INPP5D: variants seen among roughly 807,000 people sequenced by gnomAD.
The protein encoded by INPP5D is phosphatidylinositol 3,4,5-trisphosphate 5-phosphatase 1.
In INPP5D, 33 loss-of-function variants were observed where a neutral mutation model predicts 122.9. The observed-to-expected ratio is 0.27, with a 90% CI of 0.20 to 0.36. The LOEUF (loss-of-function observed/expected upper bound fraction) is 0.36, where lower values mean the gene tolerates loss of function less well. Ranked by LOEUF, INPP5D falls within the 10% of genes least tolerant of loss-of-function variation. The pLI, the probability that INPP5D is intolerant of heterozygous loss-of-function variation, is 1.00. For missense variants in INPP5D, 1,053 were observed against 1,412.7 expected (o/e 0.75, Z 4.08); for synonymous variants, 584 against 576.2 (o/e 1.01, Z -0.19).
intron 9 of INPP5D, among the ~76,000 whole-genome samples, chr2:233,148,120 A>T (rs1254239594): frequency 6.6e-6 from 1 of 152,250 alleles, no homozygotes; most frequent in Non-Finnish European, 1.5e-5. Flanking sequence ...CTCATCCATA[A>T]AATGGAAGCT....
At chr2:233,181,712 C>T (rs546465037) in intron 18 of INPP5D, among the ~76,000 whole-genome samples, 1 of 152,296 alleles carries the variant, frequency 6.6e-6, no homozygotes, top group East Asian at 1.9e-4. Context: ...TATGAGGCAT[C>T]GTGGGATGGA....
Position 233,198,348 on chromosome 2 carries a change from G to T in INPP5D, c.2947G>T (p.Gly983Cys), listed in dbSNP as rs1402943853. 6.2e-7 allele frequency: 1 copy of T among 1,613,268 alleles called. No individual in the cohort carries two copies. Among genetic ancestry groups the T allele is most frequent in the Non-Finnish European group, 8.5e-7 (1 of 1,179,616 alleles). The change falls in exon 25 of 27, where the codon GGT (glycine) becomes TGT (cysteine). Residue 983 changes from glycine (G) to cysteine (C), a missense_variant. By Grantham distance (159) the Gly-to-Cys change is radical (BLOSUM62 -3). This residue lies in a region of INPP5D where 417 missense variants were observed against 425.8 expected (regional missense o/e 0.98). Transcript: ENST00000445964. ...GTTTTTACCCTCAACAGCAAACCGG[G>T]GTCTCCCTCCCAGGACACAGGAGTC... ...KKFLPSTANR[G>C]LPPRTQESRP...
At chr2:233,144,273 T>G (rs1393936484) in intron 6 of INPP5D, among the ~76,000 whole-genome samples, 1 of 141,180 alleles carries the variant, frequency 7.1e-6, no homozygotes, top group Non-Finnish European at 1.5e-5. Context: ...GTGGGAGTGG[T>G]AGGGGTGGAG....
At chr2:233,203,717 C>T (rs1220265409) in intron 25 of INPP5D, among the ~76,000 whole-genome samples, 1 of 152,130 alleles carries the variant, frequency 6.6e-6, no homozygotes, top group African/African-American at 2.4e-5. Flanking sequence ...TATAGTGAGA[C>T]TCCCCATCTC....
intron 23 of INPP5D, among the ~76,000 whole-genome samples, chr2:233,195,163 T>C (rs1695149627): frequency 6.6e-6 from 1 of 152,132 alleles, no homozygotes; most frequent in Non-Finnish European, 1.5e-5. Context: ...AAGTTGGAAA[T>C]GTCACATGAA....
At position 233,170,419 on chromosome 2, in the gene INPP5D, C is replaced by T. The variant is rs1031264429; in HGVS notation, c.1792-77C>T. The T allele has an allele frequency of 4.7e-5, 75 of 1,588,598 alleles. No homozygotes were observed. Among genetic ancestry groups the T allele is most frequent in the Non-Finnish European group, 5.6e-5 (65 of 1,166,770 alleles). On this transcript the variant is annotated intron_variant, in intron 15 of 26. Coordinates refer to ENST00000445964, the MANE Select transcript of INPP5D (RefSeq NM_001017915.3). This position sits in a 1 kb window ranked among gnomAD's most constrained non-coding sequence, Gnocchi z 4.5. ...CTGCAGCCCGGGTCATCCAGCTGCC[C>T]GCCCCCAGCCCCGAAGCTTGTCAGG...
At chr2:233,195,619 G>A in intron 24 of INPP5D, 124 bp downstream of exon 24, 2 of 1,484,942 alleles carry the variant, frequency 1.3e-6, no homozygotes, top group Non-Finnish European at 9.1e-7. Context: ...GGCCAAGGCT[G>A]GAGGATCATT....
At chr2:233,152,725 G>A (rs1396321045) in intron 9 of INPP5D, among the ~76,000 whole-genome samples, 1 of 152,168 alleles carries the variant, frequency 6.6e-6, no homozygotes, top group Non-Finnish European at 1.5e-5. Flanking sequence ...AACAAGTATG[G>A]CGTGTGAGAC....
intron 1 of INPP5D, among the ~76,000 whole-genome samples, chr2:233,075,672 C>T (rs969169316): frequency 3.3e-5 from 5 of 152,214 alleles, no homozygotes; most frequent in Admixed American, 3.3e-4. Flanking sequence ...GCCAAGTGAG[C>T]ACCTTCCTCC....
Position 233,163,688 on chromosome 2 carries a change from T to C in INPP5D, c.1241-19T>C. ...CGATGTGCCTTTGACTCACTTGGTG[T>C]TGGGTTTTGCTGTTGAAGGTAACGC... On this transcript the variant is annotated intron_variant, in intron 11 of 26. Coordinates refer to ENST00000445964, the MANE Select transcript of INPP5D (RefSeq NM_001017915.3). 1.2e-6 allele frequency: 2 copies of C among 1,613,524 alleles called. No homozygotes were observed. Among genetic ancestry groups the C allele is most frequent in the Non-Finnish European group, 1.7e-6 (2 of 1,179,720 alleles).
chr2:233,125,308 C>T (rs1223191077), intron 3 of INPP5D, among the ~76,000 whole-genome samples: 5 of 152,206 alleles, frequency 3.3e-5, no homozygotes, highest in Non-Finnish European at 7.4e-5. Flanking sequence ...CTGCCTGTCT[C>T]CTTACCCCTG....
intron 9 of INPP5D, among the ~76,000 whole-genome samples, chr2:233,148,280 A>G (rs1234679216): frequency 3.8e-5 from 3 of 79,874 alleles, no homozygotes; most frequent in African/African-American, 1.1e-4. Context: ...CTGTCAATAC[A>G]GATGAATGAT....
intron 18 of INPP5D, among the ~76,000 whole-genome samples, chr2:233,178,045 G>T (rs1694691335): frequency 6.6e-6 from 1 of 152,158 alleles, no homozygotes; most frequent in African/African-American, 2.4e-5. Context: ...ATTTGGGGAG[G>T]TTTAACCATA....
Position 233,136,637 on chromosome 2 carries a change from A to T in INPP5D, c.666-3205A>T, listed in dbSNP as rs1693473513. Among the ~76,000 whole-genome samples the T allele has an allele frequency of 3.3e-5, 5 of 152,154 alleles. No individual in the cohort carries two copies. In the South Asian group the frequency reaches 1.0e-3, roughly 32 times the overall value. ...ATTTATTCGATATTCATGAACAAAG[A>T]TCCAATGTGTACCAACTATCTGCAA... On this transcript the variant is annotated intron_variant, in intron 5 of 26. Transcript: ENST00000445964.
chr2:233,165,949 T>C (rs1346312406), intron 13 of INPP5D, among the ~76,000 whole-genome samples: 1 of 152,058 alleles, frequency 6.6e-6, no homozygotes, highest in Non-Finnish European at 1.5e-5. Flanking sequence ...TTTTTGGTGG[T>C]TGGAGTCAGT....
At chr2:233,187,612 C>T (rs1482732820) in intron 21 of INPP5D, among the ~76,000 whole-genome samples, 1 of 152,224 alleles carries the variant, frequency 6.6e-6, no homozygotes, top group Non-Finnish European at 1.5e-5. Flanking sequence ...AGGCTGATGC[C>T]TGAACTCCAG....
chr2:233,204,627 C>G lies in INPP5D; in HGVS notation c.3477C>G (p.Arg1159=). Residue 1159 remains arginine (R), a synonymous_variant, in exon 26 of 27, where the codon CGC becomes CGG. Coordinates refer to ENST00000445964, the MANE Select transcript of INPP5D (RefSeq NM_001017915.3). ...AVLHLQHSKG[R]DYRDNTELPH... ...TGCACCTCCAGCACTCCAAGGGCCG[C>G]GACTACCGCGACAACACCGAGCTCC... is the stretch of plus-strand genomic sequence containing the variant. 1 of 1,580,424 alleles carries G rather than the reference C, an allele frequency of 6.3e-7. No individual in the cohort carries two copies. Among genetic ancestry groups the G allele is most frequent in the Non-Finnish European group, 8.6e-7 (1 of 1,164,892 alleles).
At position 233,102,807 on chromosome 2, in the gene INPP5D, G is replaced by A. The variant is rs187011483; in HGVS notation, c.199-19300G>A. ...GGAGCTTGCAGTGAGCCCAGATCAC[G>A]CCACTGCACTCCAGCCTGGGCGACA... On this transcript the variant is annotated intron_variant, in intron 2 of 26. Transcript: ENST00000445964. 1.3e-3 allele frequency among the ~76,000 whole-genome samples: 190 copies of A among 143,640 alleles called. 1 individual carries two copies. Among genetic ancestry groups the A allele is most frequent in the East Asian group, 9.7e-3 (47 of 4,870 alleles). 94.2% of individuals were successfully genotyped at this position (143,640 alleles called of 152,430 possible). A position where few individuals can be genotyped will look rare whatever the true frequency, so the allele number is the denominator to read the frequency against.
At chr2:233,091,841 G>C (rs1574718098) in intron 2 of INPP5D, among the ~76,000 whole-genome samples, 1 of 152,186 alleles carries the variant, frequency 6.6e-6, no homozygotes, top group East Asian at 1.9e-4. Context: ...TCTCCACCAC[G>C]AGGATGTAAG....
Sources: gnomAD v4.1 joint callset for allele counts (sites outside exome capture counted in the v4.1 genomes callset) on GRCh38, gnomAD v4.1.1 for gene constraint, gnomAD v4.1.1 regional missense constraint, Gnocchi (gnomAD v3.1) non-coding constraint, MANE v1.5 for transcripts, NCBI Gene and HGNC (gene_info 2026-07-23, HGNC 2026-07-21) for gene names.